FRAS1: variants seen among roughly 807,000 people sequenced by gnomAD.
The protein encoded by FRAS1 is extracellular matrix organizing protein FRAS1.
In FRAS1, 290 loss-of-function variants were observed where a neutral mutation model predicts 435.2. The ratio of observed to expected loss-of-function variants is 0.67; its 90% CI spans 0.61 to 0.73. FRAS1 has a LOEUF of 0.73. Ranked by LOEUF, FRAS1 falls within the 30% of genes least tolerant of loss-of-function variation. The pLI is 0.00. For synonymous variants in FRAS1, 1,800 were observed against 1,851.0 expected, an observed-to-expected ratio of 0.97 and a Z score of 0.71; for missense variants, 4,860 against 5,001.5, an observed-to-expected ratio of 0.97 and a Z score of 0.85.
At position 78,363,513 on chromosome 4, in the gene FRAS1, A is replaced by G. The variant is rs781560608; in HGVS notation, c.2423A>G (p.Asp808Gly). Residue 808 changes from aspartate (D) to glycine (G), a missense_variant and splice_region_variant, in exon 21 of 74, where the codon GAC becomes GGC. Transcript: ENST00000512123. Reference protein sequence around the residue: ...QFLNLVGYCADCHHLCQHCAA... With the variant: ...QFLNLVGYCAGCHHLCQHCAA... The stretch of plus-strand genomic sequence containing the variant: ...CTCTGTGCTCCCCTTCCCCCTCCAG[A>G]CTGCCATCACCTGTGCCAGCACTGT... 31 of 1,607,142 alleles carry G rather than the reference A, an allele frequency of 1.9e-5. No homozygotes were observed. The highest frequency in any genetic ancestry group is 2.6e-5 in the Non-Finnish European group (30 of 1,175,854).
intron 50 of FRAS1, among the ~76,000 whole-genome samples, chr4:78,466,899 T>A (rs1719549717): frequency 6.6e-6 from 1 of 152,156 alleles, no homozygotes; most frequent in Non-Finnish European, 1.5e-5. Context: ...AGTGTGGTTT[T>A]TGCATCCAAA....
chr4:78,515,820 T>C lies in FRAS1; in HGVS notation c.10196T>C (p.Val3399Ala). ...GISEAGFLDD[V>A]VYDSTALGPG... ...GCAGAGGCAGGGTTCCTGGATGATG[T>C]GGTCTATGATAGCACTGCCCTGGGG... Residue 3399 changes from valine to alanine, a missense_variant, in exon 66 of 74, where the codon GTG (valine) becomes GCG (alanine). By Grantham distance (64) the Val-to-Ala change is moderately conservative. Coordinates refer to ENST00000512123, the MANE Select transcript of FRAS1 (RefSeq NM_025074.7). The C allele has an allele frequency of 6.2e-7, 1 of 1,613,828 alleles. No individual in the cohort carries two copies. Among genetic ancestry groups the C allele is most frequent in the Non-Finnish European group, 8.5e-7 (1 of 1,179,850 alleles).
intron 59 of FRAS1, among the ~76,000 whole-genome samples, chr4:78,494,633 C>A (rs925335586): frequency 9.2e-5 from 14 of 152,314 alleles, no homozygotes; most frequent in African/African-American, 2.6e-4. Flanking sequence ...CCAGGCCCCA[C>A]TTCCAATAAT....
chr4:78,519,348 G>A lies in FRAS1; in HGVS notation c.10407G>A (p.Gln3469=). The change falls in exon 67 of 74, where the codon CAG becomes CAA. Residue 3469 remains glutamine, a synonymous_variant. Transcript: ENST00000512123. ...CTCGGCAGGTGAGGGACTCTGCCCAGTCCTTCTTGACAGTGCACGTGCCTC... is the reference window on the plus strand; with the variant it reads ...CTCGGCAGGTGAGGGACTCTGCCCAATCCTTCTTGACAGTGCACGTGCCTC... The part of the protein sequence containing the change: ...TADFQVRDSA[Q]SFLTVHVPLY... The A allele has an allele frequency of 1.9e-6, 3 of 1,565,900 alleles. No individual in the cohort carries two copies. Among genetic ancestry groups the A allele is most frequent in the Non-Finnish European group, 2.6e-6 (3 of 1,161,350 alleles).
At chr4:78,468,648 T>C (rs1719611280) in intron 50 of FRAS1, among the ~76,000 whole-genome samples, 2 of 152,192 alleles carry the variant, frequency 1.3e-5, no homozygotes, top group Non-Finnish European at 2.9e-5. Context: ...TTGATTCCCC[T>C]TCCATTCCCT....
intron 14 of FRAS1, among the ~76,000 whole-genome samples, chr4:78,299,238 G>A (rs345503): frequency 0.058 from 8,790 of 152,126 alleles, 720 homozygotes; most frequent in African/African-American, 0.19. Flanking sequence ...AGTTTGTGGG[G>A]GGCCTGAATG....
chr4:78,250,633 C>T (rs567557430), intron 4 of FRAS1, among the ~76,000 whole-genome samples: 2 of 152,190 alleles, frequency 1.3e-5, no homozygotes, highest in South Asian at 2.1e-4. Context: ...TCTTCTGTGT[C>T]TAGTGATAAG....
At chr4:78,108,656 C>G (rs1458736720) in intron 2 of FRAS1, among the ~76,000 whole-genome samples, 1 of 73,470 alleles carries the variant, frequency 1.4e-5, no homozygotes, top group East Asian at 3.3e-4. Context: ...AGGAAAGATC[C>G]AAAATTGACA....
intron 18 of FRAS1, among the ~76,000 whole-genome samples, chr4:78,330,734 G>T (rs4395534): frequency 0.044 from 6,663 of 152,212 alleles, 399 homozygotes; most frequent in African/African-American, 0.14. Flanking sequence ...CTGGTTGATT[G>T]CAAAACCCTG....
intron 54 of FRAS1, 78 bp from the exon 55 acceptor site, chr4:78,477,737 T>C: frequency 1.3e-6 from 2 of 1,530,938 alleles, no homozygotes; most frequent in Non-Finnish European, 1.8e-6. Flanking sequence ...TGGATGCTCT[T>C]TTCCTATGAT....
intron 2 of FRAS1, among the ~76,000 whole-genome samples, chr4:78,205,800 G>C (rs1214124614): frequency 6.6e-6 from 1 of 152,108 alleles, no homozygotes; most frequent in Non-Finnish European, 1.5e-5. Flanking sequence ...GTCTGGCTCA[G>C]ACAGCTAAGA....
chr4:78,215,705 G>A (rs6846994), intron 2 of FRAS1, among the ~76,000 whole-genome samples: 38,539 of 152,100 alleles, frequency 0.25, 5,586 homozygotes, highest in Non-Finnish European at 0.32. Context: ...GAACCATACA[G>A]CATTTGTCAT....
In FRAS1 at chr4:78,421,345, A is replaced by G. The variant is rs550344162; in HGVS notation, c.4541-518A>G. On this transcript the variant is annotated intron_variant, in intron 33 of 73. Coordinates refer to ENST00000512123, the MANE Select transcript of FRAS1 (RefSeq NM_025074.7). The stretch of plus-strand genomic sequence containing the variant: ...GTGTTTTTAGTAGATACAGGGTTTC[A>G]CCGTGTTGGCCAGGCTGGTCTTGAA... 2.6e-5 allele frequency among the ~76,000 whole-genome samples: 4 copies of G among 152,048 alleles called. No homozygotes were observed. In the South Asian group the frequency reaches 6.2e-4, roughly 24 times the overall value.
intron 61 of FRAS1, among the ~76,000 whole-genome samples, chr4:78,502,565 T>G (rs1351572314): frequency 7.3e-6 from 1 of 136,088 alleles, no homozygotes; most frequent in African/African-American, 2.9e-5. Flanking sequence ...ACATTGATTT[T>G]GTGTCCTGAA....
In FRAS1 at chr4:78,315,676, G is replaced by A; in HGVS notation, c.1761G>A (p.Gly587=). The change falls in exon 16 of 74, where the codon GGG becomes GGA. Residue 587 remains glycine, a synonymous_variant. Coordinates refer to ENST00000512123, the MANE Select transcript of FRAS1 (RefSeq NM_025074.7). ...TCTEKTVLHD[G]KCMSECPGGY... is the part of the protein sequence containing the mutation. ...CTGAGAAGACAGTGCTGCATGATGG[G>A]AAATGCATGTCTGAATGCCCTGGCG... The A allele has an allele frequency of 1.9e-6, 3 of 1,613,976 alleles. No individual in the cohort carries two copies. Among genetic ancestry groups the A allele is most frequent in the Non-Finnish European group, 2.5e-6 (3 of 1,179,876 alleles).
chr4:78,332,681 C>A (rs2110258009), intron 18 of FRAS1, among the ~76,000 whole-genome samples: 1 of 151,948 alleles, frequency 6.6e-6, no homozygotes, highest in South Asian at 2.1e-4. Flanking sequence ...TCACATAGAG[C>A]TATGCTGTGA....
chr4:78,222,747 A>C (rs761394857), intron 2 of FRAS1, among the ~76,000 whole-genome samples: 2 of 152,072 alleles, frequency 1.3e-5, no homozygotes, highest in African/African-American at 2.4e-5. Flanking sequence ...CTTTCATCTT[A>C]TCATTGTTCT....
chr4:78,289,531 T>A (rs920711973), intron 14 of FRAS1, among the ~76,000 whole-genome samples: 1 of 152,120 alleles, frequency 6.6e-6, no homozygotes, highest in African/African-American at 2.4e-5. Context: ...TCACAGCAGG[T>A]AGGGCCATAG....
chr4:78,221,840 A>G (rs1278389719), intron 2 of FRAS1, among the ~76,000 whole-genome samples: 1 of 152,234 alleles, frequency 6.6e-6, no homozygotes, highest in African/African-American at 2.4e-5. Context: ...ATTGTATGTC[A>G]GTCATGGGGC....
Sources: allele counts gnomAD v4.1 joint callset (sites outside exome capture counted in the v4.1 genomes callset), GRCh38; gene constraint gnomAD v4.1.1; transcripts MANE v1.5; gene names NCBI Gene and HGNC (gene_info 2026-07-23, HGNC 2026-07-21).